Variants in ANO1 observed in about 807,000 individuals in gnomAD.
The protein encoded by ANO1 is anoctamin-1.
ANO1 carries 59 observed loss-of-function variants against 124.0 expected under a neutral mutation model. The observed-to-expected ratio is 0.48, with a 90% CI of 0.39 to 0.59. ANO1 has a LOEUF of 0.59. ANO1 is among the 20% of genes least tolerant of loss of function. The probability of loss-of-function intolerance (pLI) is 0.00; values close to 1 mark genes in which losing one functional copy is unlikely to be tolerated. For missense variants in ANO1, 1,059 were observed against 1,328.0 expected (o/e 0.80, Z 3.15); for synonymous variants, 529 against 532.0 (o/e 0.99, Z 0.08).
intron 1 of ANO1, chr11:70,085,463 C>G: frequency 6.5e-7 from 1 of 1,535,872 alleles, no homozygotes; most frequent in Non-Finnish European, 8.7e-7. Flanking sequence ...CAGCGGGGCC[C>G]TGTGTTACTG....
At chr11:69,986,736 G>A (rs1485712634) in intron 1 of ANO1, among the ~76,000 whole-genome samples, 6 of 152,138 alleles carry the variant, frequency 3.9e-5, no homozygotes, top group African/African-American at 1.2e-4. Context: ...CCCCCTGGCT[G>A]CACATAAATC....
chr11:70,013,083 C>CA (rs1486390608), intron 1 of ANO1, among the ~76,000 whole-genome samples: 5 of 152,314 alleles, frequency 3.3e-5, no homozygotes, highest in South Asian at 2.1e-4. Context: ...ACCTCCCTAA[C>CA]AAAAAACCAC....
At chr11:70,013,722 A>G (rs1421429048) in intron 1 of ANO1, among the ~76,000 whole-genome samples, 1 of 151,900 alleles carries the variant, frequency 6.6e-6, no homozygotes, top group African/African-American at 2.4e-5. Context: ...GAATCGTCCA[A>G]ACTCGGGAAG....
intron 1 of ANO1, among the ~76,000 whole-genome samples, chr11:69,989,068 C>T (rs1856104326): frequency 6.6e-6 from 1 of 152,082 alleles, no homozygotes; most frequent in Admixed American, 6.6e-5. Flanking sequence ...TGACTGCGTG[C>T]CAGTCACCCA....
intron 2 of ANO1, among the ~76,000 whole-genome samples, chr11:70,094,355 G>A (rs1400847294): frequency 6.6e-6 from 1 of 152,192 alleles, no homozygotes; most frequent in Admixed American, 6.5e-5. Flanking sequence ...GGGCAGGTGT[G>A]GGAGGCAGTC....
chr11:70,182,588 C>T lies in ANO1; in HGVS notation c.2490C>T (p.Phe830=), dbSNP rs760154421. 1.2e-5 allele frequency: 19 copies of T among 1,613,634 alleles called. No individual in the cohort carries two copies. The highest frequency in any genetic ancestry group is 2.2e-5 in the East Asian group (1 of 44,862). The change falls in exon 24 of 26, where the codon TTC becomes TTT. Residue 830 remains phenylalanine, a synonymous_variant. Transcript: ENST00000355303. ...GTAAGAACGGGACCATGCACGGCTT[C>T]GTCAACCACACCCTCTCCTCCTTCA... The part of the protein sequence containing the change: ...MYSKNGTMHG[F]VNHTLSSFNV...
At chr11:70,185,441 G>A (rs2049075228) in intron 24 of ANO1, 149 bp from the exon 25 acceptor site, 3 of 667,452 alleles carry the variant, frequency 4.5e-6, no homozygotes, top group Non-Finnish European at 7.6e-6. Context: ...GCGGGGCCAT[G>A]GGCTGCTCGC....
chr11:70,156,036 A>C, intron 15 of ANO1, 48 bp downstream of exon 15: 2 of 1,423,910 alleles, frequency 1.4e-6, no homozygotes, highest in Non-Finnish European at 1.9e-6. Flanking sequence ...GTTTGCAGGC[A>C]ATCAAAGTCG....
chr11:70,125,854 A>T (rs2046489105), intron 9 of ANO1, among the ~76,000 whole-genome samples: 1 of 29,842 alleles, frequency 3.4e-5, no homozygotes, highest in African/African-American at 9.3e-5. Context: ...AAAAAAAAAC[A>T]AAAAAAGAGA....
the ANO1 span, among the ~76,000 whole-genome samples, chr11:69,972,058 T>TAAAA: frequency 1.9e-5 from 2 of 107,184 alleles, no homozygotes; most frequent in East Asian, 3.0e-4. Context: ...CCGGCTCTAC[T>TAAAA]AAAAAAATAA....
rs989543954 is a variant in ANO1 at position 70,049,790 on chromosome 11, A to G, written c.59-28752A>G. Among the ~76,000 whole-genome samples the G allele has an allele frequency of 2.0e-5, 3 of 152,144 alleles. No homozygotes were observed. In the South Asian group the frequency reaches 6.2e-4, roughly 32 times the overall value. On this transcript the variant is annotated intron_variant, in intron 1 of 27. Transcript: ENST00000531349. ...GGCTGGAGTACAGTGGCGCAATCTC[A>G]GCTCACTGCAACCTCCACCTCCCTG...
chr11:70,087,783 C>A lies in ANO1; in HGVS notation c.140C>A (p.Ala47Asp), dbSNP rs371515097. 2.5e-6 allele frequency: 4 copies of A among 1,608,788 alleles called. No homozygotes were observed. The African/African-American group carries it at 4.0e-5, about 16-fold the overall frequency. ...LLNSLSVDPD[A>D]ECKYGLYFRD... is the part of the protein sequence containing the mutation. The stretch of plus-strand genomic sequence containing the variant: ...AACTCCTTATCTGTGGACCCTGATG[C>A]CGAGTGCAAGTATGGCCTGTACTTC... The change falls in exon 2 of 26, where the codon GCC becomes GAC. Residue 47 changes from alanine (A) to aspartate (D), a missense_variant. Ala to Asp is a moderately radical substitution (Grantham distance 126, BLOSUM62 -2). Around this residue, in one of 2 missense-constraint regions of ANO1, gnomAD observed 250 missense variants for 233.1 expected, o/e 1.07. Transcript: ENST00000355303.
At chr11:70,014,842 CT>C (rs782359596) in intron 1 of ANO1, 6,950 of 112,162 alleles carry the variant, frequency 0.062, 481 homozygotes, top group African/African-American at 0.19. Flanking sequence ...TTTTTTTTTT[CT>C]TTTTTTTTTT....
chr11:69,971,787 C>T, the ANO1 span, among the ~76,000 whole-genome samples: 1,481 of 152,200 alleles, frequency 9.7e-3, 25 homozygotes, highest in African/African-American at 0.033. Flanking sequence ...GGTGTCCTCC[C>T]CGTGTGTTTA....
At chr11:70,047,146 G>A (rs1857274517) in intron 1 of ANO1, among the ~76,000 whole-genome samples, 1 of 151,376 alleles carries the variant, frequency 6.6e-6, no homozygotes, top group Admixed American at 6.6e-5. Context: ...AAGAAAATCT[G>A]AATGAAGTAT....
chr11:70,039,596 CGCAGGTGGTAGTCCTACCTCCCCTTCT>C (rs1565166718), intron 1 of ANO1, among the ~76,000 whole-genome samples: 31 of 150,760 alleles, frequency 2.1e-4, no homozygotes, highest in Non-Finnish European at 3.0e-4. Context: ...CCTCCCCTTC[CGCAGGTGGTAGTCCTACCTCCCCTTCT>C]GCAGGTGGTA....
At chr11:70,147,228 G>T (rs77652224) in intron 11 of ANO1, among the ~76,000 whole-genome samples, 1 of 152,146 alleles carries the variant, frequency 6.6e-6, no homozygotes, top group Non-Finnish European at 1.5e-5. Context: ...GGAGACATCG[G>T]GGGCCTTGCA....
chr11:70,146,461 A>G (rs2047382733), intron 11 of ANO1, among the ~76,000 whole-genome samples: 1 of 152,148 alleles, frequency 6.6e-6, no homozygotes, highest in African/African-American at 2.4e-5. Context: ...GAGTGTCATA[A>G]TGGAGGCCAA....
chr11:70,159,339 C>T (rs914519394), intron 16 of ANO1, among the ~76,000 whole-genome samples: 12 of 152,164 alleles, frequency 7.9e-5, no homozygotes, highest in African/African-American at 2.9e-4. Flanking sequence ...AGAACTGTTT[C>T]ACGTGGCCAC....
Sources: allele counts gnomAD v4.1 joint callset (sites outside exome capture counted in the v4.1 genomes callset), GRCh38; gene constraint gnomAD v4.1.1; regional missense constraint gnomAD v4.1.1; transcripts MANE v1.5; gene names NCBI Gene and HGNC (gene_info 2026-07-23, HGNC 2026-07-21).